The following ELP1 variants were observed in gnomAD, a reference collection of about 807,000 sequenced individuals.
ELP1 encodes the protein elongator complex protein 1.
Under a neutral mutation model 183.2 loss-of-function variants are expected in ELP1, and 131 were observed. The observed-to-expected ratio is 0.72, with a 90% CI of 0.62 to 0.83. The LOEUF is 0.83. Ranked by LOEUF, ELP1 falls within the 40% of genes least tolerant of loss-of-function variation. The probability of loss-of-function intolerance (pLI) is 0.00; values close to 1 mark genes in which losing one functional copy is unlikely to be tolerated. For missense variants in ELP1, 1,550 were observed against 1,594.9 expected, an observed-to-expected ratio of 0.97 and a Z score of 0.48; for synonymous variants, 555 against 569.0, an observed-to-expected ratio of 0.98 and a Z score of 0.35.
At chr9:108,925,205 A>G (rs1204997032) in intron 5 of ELP1, among the ~76,000 whole-genome samples, 1 of 152,160 alleles carries the variant, frequency 6.6e-6, no homozygotes, top group African/African-American at 2.4e-5. Flanking sequence ...TCTTTCTATT[A>G]AATAAATCTC....
intron 2 of ELP1, among the ~76,000 whole-genome samples, chr9:108,930,315 G>A (rs1829957605): frequency 6.6e-6 from 1 of 152,094 alleles, no homozygotes; most frequent in Non-Finnish European, 1.5e-5. Context: ...AACCCACAGA[G>A]GTTTTTAAAG....
intron 12 of ELP1, among the ~76,000 whole-genome samples, chr9:108,909,138 T>C (rs1400114614): frequency 6.6e-6 from 1 of 152,094 alleles, no homozygotes; most frequent in East Asian, 1.9e-4. Context: ...GAGAGGCCTT[T>C]GGGATCACAC....
Position 108,917,536 on chromosome 9 carries a change from C to T in ELP1, c.864+11G>A. On this transcript the variant is annotated intron_variant, in intron 9 of 36. Coordinates refer to ENST00000374647, the MANE Select transcript of ELP1 (RefSeq NM_003640.5). ...TCTACATTCGAGGGTGAAACAAACT[C>T]AGGCACTTACCTTAACCTCATCTTT... 1.2e-6 allele frequency: 2 copies of T among 1,612,732 alleles called. No individual in the cohort carries two copies. Among genetic ancestry groups the T allele is most frequent in the Non-Finnish European group, 1.7e-6 (2 of 1,179,282 alleles).
At chr9:108,928,012 T>C (rs1202117007) in intron 3 of ELP1, among the ~76,000 whole-genome samples, 2 of 152,234 alleles carry the variant, frequency 1.3e-5, no homozygotes, top group Admixed American at 6.5e-5. Flanking sequence ...TTGCACATTT[T>C]AAAATAACTA....
At chr9:108,873,469 A>G (rs957111053) in intron 36 of ELP1, among the ~76,000 whole-genome samples, 1 of 152,218 alleles carries the variant, frequency 6.6e-6, no homozygotes, top group Admixed American at 6.5e-5. Flanking sequence ...GGGTAATGAT[A>G]ATAAACACTC....
chr9:108,900,644 C>T (rs1564087368), intron 18 of ELP1, among the ~76,000 whole-genome samples: 2 of 152,188 alleles, frequency 1.3e-5, no homozygotes, highest in Non-Finnish European at 2.9e-5. Flanking sequence ...ATTGGGGCAA[C>T]TTCTCTATTT....
chr9:108,932,344 G>GT (rs922268595), intron 1 of ELP1, among the ~76,000 whole-genome samples: 12 of 151,820 alleles, frequency 7.9e-5, no homozygotes, highest in Admixed American at 1.3e-4. Flanking sequence ...TATCATGCAG[G>GT]TTTTTTTGTT....
Position 108,878,076 on chromosome 9 carries a change from G to A in ELP1, c.3774C>T (p.Ala1258=), listed in dbSNP as rs2118934221. 6.2e-7 allele frequency: 1 copy of A among 1,613,754 alleles called. No individual in the cohort carries two copies. The highest frequency in any genetic ancestry group is 2.2e-5 in the East Asian group (1 of 44,870). ...CCATCAACTGCAGCGTATCTTCAAA[G>A]GCCTTCTGTAATTCCCTTCCTTGTT... ...FDEQGRELQK[A]FEDTLQLMER... is the part of the protein sequence containing the mutation. Residue 1258 remains alanine, a synonymous_variant, in exon 35 of 37, where the codon GCC becomes GCT. Transcript: ENST00000374647.
At chr9:108,891,068 TA>T in intron 28 of ELP1, 134 bp downstream of exon 28, 1 of 861,406 alleles carries the variant, frequency 1.2e-6, no homozygotes, top group Non-Finnish European at 1.9e-6. Context: ...TAAAGCATTC[TA>T]AATTAATTTT....
intron 12 of ELP1, among the ~76,000 whole-genome samples, 180 bp downstream of exon 12, chr9:108,910,830 T>TTA (rs1554698934): frequency 2.1e-5 from 3 of 140,640 alleles, no homozygotes; most frequent in African/African-American, 7.9e-5. Context: ...AGTATAGGAT[T>TTA]AAAAAAAAAA....
At chr9:108,907,452 C>T (rs1456626962) in intron 13 of ELP1, among the ~76,000 whole-genome samples, 2 of 152,076 alleles carry the variant, frequency 1.3e-5, no homozygotes, top group African/African-American at 4.8e-5. Context: ...CAAAATCATA[C>T]AGAGGTTGAA....
At chr9:108,875,920 G>A (rs1350535267) in intron 35 of ELP1, among the ~76,000 whole-genome samples, 2 of 151,970 alleles carry the variant, frequency 1.3e-5, no homozygotes, top group Non-Finnish European at 2.9e-5. Context: ...AAATAAAATA[G>A]ACCTTAATGT....
intron 2 of ELP1, 67 bp from the exon 3 acceptor site, chr9:108,929,988 A>G (rs1277689824): frequency 6.5e-6 from 10 of 1,546,368 alleles, no homozygotes; most frequent in Non-Finnish European, 8.9e-7. Flanking sequence ...TAACATTTCC[A>G]GAAATACTTT....
chr9:108,926,530 A>G lies in ELP1; in HGVS notation c.459T>C (p.Phe153=). The change falls in exon 5 of 37, where the codon TTT becomes TTC. Residue 153 remains phenylalanine, a synonymous_variant. Coordinates refer to ENST00000374647, the MANE Select transcript of ELP1 (RefSeq NM_003640.5). ...GCACAAAGCTATACTTACTTTCACC[A>G]AAATCATCCTGATGGATCTGCTGCT... ...ILEQQIHQDD[F]GESKFITVGW... is the part of the protein sequence containing the mutation. The G allele has an allele frequency of 6.2e-7, 1 of 1,612,048 alleles. No individual in the cohort carries two copies. Among genetic ancestry groups the G allele is most frequent in the Non-Finnish European group, 8.5e-7 (1 of 1,179,012 alleles).
intron 36 of ELP1, among the ~76,000 whole-genome samples, chr9:108,874,334 T>G (rs372795406): frequency 5.9e-5 from 9 of 152,350 alleles, no homozygotes; most frequent in African/African-American, 2.2e-4. Context: ...TTTTAATTTT[T>G]AGGGATATAA....
rs563636288 is a variant in ELP1, at chr9:108,896,955, T to C, written c.2585A>G (p.Gln862Arg). ...EIVLQKVHEL[Q>R]GNAPSDPDAV... Reference sequence around the variant, plus strand: ...TTTCTCTGTGAGCGGATCTCTACCTTGAAGCTCGTGTACTTTTTGCAGTAC... The same window carrying C: ...TTTCTCTGTGAGCGGATCTCTACCTCGAAGCTCGTGTACTTTTTGCAGTAC... Residue 862 changes from glutamine to arginine, a missense_variant and splice_region_variant, in exon 24 of 37, where the codon CAA becomes CGA. Physicochemically the swap from Gln to Arg is conservative, Grantham distance 43. Transcript: ENST00000374647. The C allele has an allele frequency of 9.3e-6, 15 of 1,613,630 alleles. No individual in the cohort carries two copies. The highest frequency in any genetic ancestry group is 1.3e-5 in the Non-Finnish European group (15 of 1,179,646).
intron 29 of ELP1, among the ~76,000 whole-genome samples, chr9:108,887,331 T>C (rs1268244994): frequency 2.0e-5 from 3 of 152,150 alleles, no homozygotes; most frequent in African/African-American, 7.2e-5. Context: ...ACACTTCTAT[T>C]CAACACCACA....
chr9:108,920,217 A>C (rs1351550289), intron 6 of ELP1, among the ~76,000 whole-genome samples: 2 of 151,900 alleles, frequency 1.3e-5, no homozygotes, highest in African/African-American at 4.8e-5. Flanking sequence ...TCTACATATA[A>C]TTATGCTTCC....
At chr9:108,927,648 T>C (rs569278087) in intron 3 of ELP1, among the ~76,000 whole-genome samples, 195 bp from the exon 4 acceptor site, 5 of 152,212 alleles carry the variant, frequency 3.3e-5, no homozygotes, top group East Asian at 3.8e-4. Flanking sequence ...TGTCCATCAA[T>C]GGATGACTGG....
Sources: gnomAD v4.1 joint callset for allele counts (sites outside exome capture counted in the v4.1 genomes callset) on GRCh38, gnomAD v4.1.1 for gene constraint, MANE v1.5 for transcripts, NCBI Gene and HGNC (gene_info 2026-07-23, HGNC 2026-07-21) for gene names.